Variants in FAM117B observed in about 807,000 individuals in gnomAD.
The protein encoded by FAM117B is family with sequence similarity 117 member B.
Under a neutral mutation model 52.8 loss-of-function variants are expected in FAM117B, and 22 were observed. The observed-to-expected ratio is 0.42, with a 90% CI of 0.30 to 0.59. The LOEUF is 0.59. Among genes scored for constraint, FAM117B ranks in the 20% least tolerant of loss-of-function variants. FAM117B has a pLI of 0.22. For synonymous variants in FAM117B, 309 were observed against 324.1 expected (o/e 0.95, Z 0.50); for missense variants, 678 against 802.6 (o/e 0.84, Z 1.88).
intron 1 of FAM117B, among the ~76,000 whole-genome samples, chr2:202,678,516 G>C (rs555499759): frequency 1.3e-5 from 2 of 152,142 alleles, no homozygotes; most frequent in Non-Finnish European, 2.9e-5. Flanking sequence ...CACATGTTGG[G>C]GCAAGGAAGA....
intron 4 of FAM117B, among the ~76,000 whole-genome samples, chr2:202,732,750 G>T (rs759879924): frequency 2.0e-5 from 3 of 152,086 alleles, no homozygotes; most frequent in Non-Finnish European, 4.4e-5. Context: ...GAACCTGGGC[G>T]GCAGAGGTTG....
At chr2:202,732,457 A>G (rs995676304) in intron 4 of FAM117B, among the ~76,000 whole-genome samples, 2 of 152,214 alleles carry the variant, frequency 1.3e-5, no homozygotes, top group African/African-American at 4.8e-5. Context: ...TATCCATATG[A>G]TGGAATTTTA....
chr2:202,760,668 T>C (rs1691872593), intron 7 of FAM117B, among the ~76,000 whole-genome samples: 1 of 152,130 alleles, frequency 6.6e-6, no homozygotes, highest in African/African-American at 2.4e-5. Flanking sequence ...TGTGGAAGTC[T>C]GATTCTCAGT....
At chr2:202,721,735 G>A (rs960221710) in intron 2 of FAM117B, among the ~76,000 whole-genome samples, 1 of 152,060 alleles carries the variant, frequency 6.6e-6, no homozygotes, top group African/African-American at 2.4e-5. Flanking sequence ...CCAGGCTCAA[G>A]CAATCCTCCC....
At chr2:202,681,200 G>A (rs965033971) in intron 1 of FAM117B, among the ~76,000 whole-genome samples, 3 of 152,116 alleles carry the variant, frequency 2.0e-5, no homozygotes, top group African/African-American at 7.2e-5. Context: ...TATAGCTAAT[G>A]TGTCAGTAGA....
intron 7 of FAM117B, among the ~76,000 whole-genome samples, chr2:202,764,165 C>A (rs1176600104): frequency 6.6e-6 from 1 of 152,200 alleles, no homozygotes; most frequent in South Asian, 2.1e-4. Flanking sequence ...CTCCTCACCC[C>A]ACAAGAACTA....
At chr2:202,661,744 C>T (rs145123534) in intron 1 of FAM117B, among the ~76,000 whole-genome samples, 2,721 of 152,082 alleles carry the variant, frequency 0.018, 34 homozygotes, top group Middle Eastern at 0.034. Context: ...GGCAAAACCC[C>T]GTCTCTCGTA....
At chr2:202,676,149 T>C (rs1319508469) in intron 1 of FAM117B, among the ~76,000 whole-genome samples, 10 of 152,122 alleles carry the variant, frequency 6.6e-5, no homozygotes, top group African/African-American at 1.4e-4. Context: ...GAGAGGCCCA[T>C]GTAGCAAGGA....
At chr2:202,726,430 A>G (rs1401387737) in intron 4 of FAM117B, 67 bp downstream of exon 4, 4 of 1,203,474 alleles carry the variant, frequency 3.3e-6, no homozygotes, top group Non-Finnish European at 3.6e-6. Context: ...TTGTTATTTC[A>G]TTGGTAATTG....
rs138496758 is a variant in FAM117B at position 202,644,074 on chromosome 2, T to G, written c.601+8286T>G. Among the ~76,000 whole-genome samples, 261 of 146,768 alleles carry G rather than the reference T, an allele frequency of 1.8e-3. 1 individual carries two copies. In the East Asian group the frequency reaches 0.042, roughly 24 times the overall value. ...AGCTGTTTTTTTTTTGTTTTTTTTT[T>G]TTTTTTTTTTCAGTTTTATGTATTA... On this transcript the variant is annotated intron_variant, in intron 1 of 7. Coordinates refer to ENST00000392238, the MANE Select transcript of FAM117B (RefSeq NM_173511.4).
rs1326414877 is a variant in FAM117B at position 202,766,793 on chromosome 2, A to G, written c.*1029A>G. On this transcript the variant is annotated 3_prime_UTR_variant, in exon 8 of 8. Transcript: ENST00000392238. ...CAAAGAGATCCTGAAATGGCTGTGCATGGATTTCCTCCTTTGCCCTTGTGA... is the reference window on the plus strand; with the variant it reads ...CAAAGAGATCCTGAAATGGCTGTGCGTGGATTTCCTCCTTTGCCCTTGTGA... 1 of 152,246 alleles carries G rather than the reference A, an allele frequency of 6.6e-6. No homozygotes were observed. The highest frequency in any genetic ancestry group is 2.4e-5 in the African/African-American group (1 of 41,430). 9.4% of individuals were successfully genotyped at this position (152,246 alleles called of 1,614,324 possible). A position where few individuals can be genotyped will look rare whatever the true frequency, so the allele number is the denominator to read the frequency against.
intron 4 of FAM117B, among the ~76,000 whole-genome samples, chr2:202,736,532 A>T (rs1691439028): frequency 6.6e-6 from 1 of 152,192 alleles, no homozygotes; most frequent in African/African-American, 2.4e-5. Flanking sequence ...AGTTCGACGT[A>T]GATGGATCAC....
At chr2:202,669,087 C>T (rs1185105589) in intron 1 of FAM117B, among the ~76,000 whole-genome samples, 2 of 152,072 alleles carry the variant, frequency 1.3e-5, no homozygotes, top group Non-Finnish European at 2.9e-5. Context: ...CTGGTTGAAG[C>T]AGAGATTAAA....
Position 202,695,914 on chromosome 2 carries a change from C to T in FAM117B, c.635C>T (p.Ser212Phe), listed in dbSNP as rs1690703105. ...ACACGACAGCCTTCTTCAAGCCCCT[C>T]CAGTATTATCCGACGCACTTCCTCC... ...DKTRQPSSSPSSIIRRTSSLD... is the reference protein window; with the variant it reads ...DKTRQPSSSPFSIIRRTSSLD... The change falls in exon 2 of 8, where the codon TCC becomes TTC. Residue 212 changes from serine (S) to phenylalanine (F), a missense_variant. Around this residue, in one of 3 missense-constraint regions of FAM117B, gnomAD observed 583 missense variants for 644.8 expected, o/e 0.90. Coordinates refer to ENST00000392238, the MANE Select transcript of FAM117B (RefSeq NM_173511.4). 1 of 1,611,758 alleles carries T rather than the reference C, an allele frequency of 6.2e-7. No individual in the cohort carries two copies. The highest frequency in any genetic ancestry group is 1.3e-5 in the African/African-American group (1 of 74,852).
chr2:202,682,168 C>T (rs910529738), intron 1 of FAM117B, among the ~76,000 whole-genome samples: 20 of 152,182 alleles, frequency 1.3e-4, no homozygotes, highest in African/African-American at 4.3e-4. Context: ...AAATCTCCCG[C>T]ATTTATCATT....
intron 1 of FAM117B, among the ~76,000 whole-genome samples, chr2:202,651,064 T>C (rs867119189): frequency 6.7e-6 from 1 of 149,936 alleles, no homozygotes; most frequent in Non-Finnish European, 1.5e-5. Context: ...GCCATTCTTT[T>C]TTTTTTTTTT....
intron 1 of FAM117B, among the ~76,000 whole-genome samples, chr2:202,645,270 CTTT>C (rs1443620973): frequency 6.7e-6 from 1 of 149,664 alleles, no homozygotes. Flanking sequence ...TGGCCTGTTT[CTTT>C]TTTTTCTTTC....
chr2:202,759,496 A>G (rs1691850860), intron 7 of FAM117B, 143 bp downstream of exon 7: 4 of 1,069,218 alleles, frequency 3.7e-6, no homozygotes, highest in African/African-American at 1.6e-5. Flanking sequence ...AGCTCAAGTT[A>G]TCTTCCCACC....
intron 2 of FAM117B, among the ~76,000 whole-genome samples, chr2:202,714,100 AT>A (rs927692439): frequency 9.3e-5 from 14 of 150,766 alleles, no homozygotes; most frequent in Non-Finnish European, 1.2e-4. Context: ...TTTAATTTTC[AT>A]TTTTTTTTAT....
Sources: allele counts gnomAD v4.1 joint callset (sites outside exome capture counted in the v4.1 genomes callset), GRCh38; gene constraint gnomAD v4.1.1; regional missense constraint gnomAD v4.1.1; transcripts MANE v1.5; gene names NCBI Gene and HGNC (gene_info 2026-07-23, HGNC 2026-07-21).